The following RIMS1 variants were observed in gnomAD, a reference collection of about 807,000 sequenced individuals.
RIMS1 encodes regulating synaptic membrane exocytosis 1.
In RIMS1, 83 loss-of-function variants were observed where a neutral mutation model predicts 214.1. The observed-to-expected ratio is 0.39, with a 90% CI of 0.32 to 0.47. The LOEUF (loss-of-function observed/expected upper bound fraction) is 0.47, where lower values mean the gene tolerates loss of function less well. RIMS1 is among the 20% of genes least tolerant of loss of function. The pLI is 0.99. For synonymous variants in RIMS1, 793 were observed against 786.8 expected, an observed-to-expected ratio of 1.01 and a Z score of -0.13; for missense variants, 2,050 against 2,161.8, an observed-to-expected ratio of 0.95 and a Z score of 1.03.
intron 29 of RIMS1, among the ~76,000 whole-genome samples, chr6:72,370,152 C>T (rs2098170178): frequency 6.6e-6 from 1 of 152,166 alleles, no homozygotes; most frequent in Non-Finnish European, 1.5e-5. Context: ...GGGAACACAG[C>T]ATTGGTTCCC....
rs141114143 is a variant in RIMS1, at chr6:72,364,525, C to T, written c.4367-26073C>T. 3.7e-3 allele frequency among the ~76,000 whole-genome samples: 567 copies of T among 152,238 alleles called. 3 individuals carry two copies. Among genetic ancestry groups the T allele is most frequent in the African/African-American group, 0.013 (536 of 41,544 alleles). Reference sequence around the variant, plus strand: ...TCAATTGACTAATTCATGAAAAATTCTCTTATCTTTCTCAAATATTGGCTA... The same window carrying T: ...TCAATTGACTAATTCATGAAAAATTTTCTTATCTTTCTCAAATATTGGCTA... On this transcript the variant is annotated intron_variant, in intron 29 of 33. Coordinates refer to ENST00000521978, the MANE Select transcript of RIMS1 (RefSeq NM_014989.7).
At chr6:72,115,015 C>T (rs867960413) in intron 4 of RIMS1, among the ~76,000 whole-genome samples, 4 of 151,884 alleles carry the variant, frequency 2.6e-5, no homozygotes, top group South Asian at 2.1e-4. Flanking sequence ...ACCTACTGAA[C>T]GCTGCATATA....
chr6:71,890,596 A>AAAAAAAC (rs1554194854), intron 1 of RIMS1, among the ~76,000 whole-genome samples: 2,107 of 112,822 alleles, frequency 0.019, 404 homozygotes, highest in South Asian at 0.035. Flanking sequence ...AAAAAAAAAA[A>AAAAAAAC]ACTTCATAGA....
chr6:72,224,140 C>T (rs1225641083), intron 6 of RIMS1, among the ~76,000 whole-genome samples: 3 of 152,058 alleles, frequency 2.0e-5, no homozygotes, highest in African/African-American at 7.2e-5. Flanking sequence ...TGATAAAGGA[C>T]AGTACAATGA....
intron 4 of RIMS1, among the ~76,000 whole-genome samples, chr6:72,118,883 A>G (rs1285623242): frequency 6.6e-6 from 1 of 151,778 alleles, no homozygotes; most frequent in Non-Finnish European, 1.5e-5. Context: ...AGTGGGGAAA[A>G]GTTGAAAGCA....
At chr6:72,372,713 G>A (rs1290132719) in intron 29 of RIMS1, among the ~76,000 whole-genome samples, 4 of 152,200 alleles carry the variant, frequency 2.6e-5, no homozygotes, top group Non-Finnish European at 5.9e-5. Context: ...ACTAAAAGTG[G>A]TTTCTCTGGA....
intron 6 of RIMS1, among the ~76,000 whole-genome samples, chr6:72,206,562 A>G (rs570637477): frequency 8.8e-6 from 1 of 113,524 alleles, no homozygotes; most frequent in Non-Finnish European, 2.3e-5. Context: ...TTGTCAGGGC[A>G]TGCTTTGTTA....
At position 72,242,247 on chromosome 6, in the gene RIMS1, A is replaced by G. The variant is rs2067274666; in HGVS notation, c.1958-67A>G. 6 of 1,265,568 alleles carry G rather than the reference A, an allele frequency of 4.7e-6. No individual in the cohort carries two copies. In the South Asian group the frequency reaches 8.7e-5, roughly 18 times the overall value. 78.4% of individuals were successfully genotyped at this position (1,265,568 alleles called of 1,614,324 possible). ...ATGTTTTGCATTTCTTTGTTAAAAAAGAGAAAAGATACGAAAAATAAACAG... is the reference window on the plus strand; with the variant it reads ...ATGTTTTGCATTTCTTTGTTAAAAAGGAGAAAAGATACGAAAAATAAACAG... On this transcript the variant is annotated intron_variant, in intron 9 of 33. Coordinates refer to ENST00000521978, the MANE Select transcript of RIMS1 (RefSeq NM_014989.7).
chr6:72,365,818 T>C (rs893391505), intron 29 of RIMS1: 1 of 152,252 alleles, frequency 6.6e-6, no homozygotes, highest in Non-Finnish European at 1.5e-5. Flanking sequence ...GCTCTTACGG[T>C]AAAATCCTGT....
chr6:72,089,290 A>C (rs1433813151), intron 2 of RIMS1, among the ~76,000 whole-genome samples: 1 of 152,094 alleles, frequency 6.6e-6, no homozygotes, highest in African/African-American at 2.4e-5. Context: ...ACGACAACAC[A>C]CTGGGCATCA....
At chr6:71,983,774 C>T (rs1250222435) in intron 2 of RIMS1, among the ~76,000 whole-genome samples, 5 of 152,124 alleles carry the variant, frequency 3.3e-5, no homozygotes, top group South Asian at 4.1e-4. Context: ...GGAAATAAAT[C>T]GTGGATAAAT....
At chr6:72,380,597 C>T (rs1220487014) in intron 29 of RIMS1, among the ~76,000 whole-genome samples, 1 of 152,174 alleles carries the variant, frequency 6.6e-6, no homozygotes, top group African/African-American at 2.4e-5. Flanking sequence ...AGTAAATGTG[C>T]TATTTTTACT....
chr6:72,299,512 TCTAGTCAA>T (rs1230297130), intron 26 of RIMS1, among the ~76,000 whole-genome samples: 1 of 151,890 alleles, frequency 6.6e-6, no homozygotes, highest in Non-Finnish European at 1.5e-5. Context: ...TAGGATTGTC[TCTAGTCAA>T]CTATATTTTT....
chr6:71,943,302 A>T lies in RIMS1; in HGVS notation c.165-25681A>T, dbSNP rs147506817. Among the ~76,000 whole-genome samples, 679 of 152,284 alleles carry T rather than the reference A, an allele frequency of 4.5e-3. 5 individuals are homozygous for T. The highest frequency in any genetic ancestry group is 0.016 in the African/African-American group (654 of 41,572). On this transcript the variant is annotated intron_variant, in intron 1 of 33. Transcript: ENST00000521978. ...TATACTGGTGATCAATCAGAACAAGATTCCTTTGGGAACAATTTGTTGATT... is the reference window on the plus strand; with the variant it reads ...TATACTGGTGATCAATCAGAACAAGTTTCCTTTGGGAACAATTTGTTGATT...
chr6:72,335,116 G>T (rs2096794720), intron 29 of RIMS1, among the ~76,000 whole-genome samples: 1 of 151,904 alleles, frequency 6.6e-6, no homozygotes, highest in African/African-American at 2.4e-5. Context: ...GAAAGTGCAG[G>T]TTTGTTACAT....
intron 4 of RIMS1, among the ~76,000 whole-genome samples, chr6:72,167,579 T>A (rs978038533): frequency 3.9e-5 from 6 of 152,174 alleles, no homozygotes; most frequent in Non-Finnish European, 7.4e-5. Flanking sequence ...GGCATTTTCA[T>A]TAAAAATTGG....
chr6:71,886,992 G>C lies in RIMS1; in HGVS notation c.-32G>C, dbSNP rs758309586. 11 of 1,606,868 alleles carry C rather than the reference G, an allele frequency of 6.8e-6. No homozygotes were observed. Among genetic ancestry groups the C allele is most frequent in the Non-Finnish European group, 9.3e-6 (11 of 1,176,488 alleles). ...GTGCATCCGAAAGGTGAGAGCCAGA[G>C]AGCGAGCAGAGGGGGCGGGCAGGCC... On this transcript the variant is annotated 5_prime_UTR_variant, in exon 1 of 34. Coordinates refer to ENST00000521978, the MANE Select transcript of RIMS1 (RefSeq NM_014989.7).
At chr6:72,385,403 T>A (rs1205173747) in intron 29 of RIMS1, among the ~76,000 whole-genome samples, 1 of 152,230 alleles carries the variant, frequency 6.6e-6, no homozygotes, top group Non-Finnish European at 1.5e-5. Context: ...ATGTGCTTTT[T>A]AACAAACTTT....
intron 2 of RIMS1, among the ~76,000 whole-genome samples, chr6:72,048,970 C>T (rs745994061): frequency 7.9e-5 from 12 of 152,102 alleles, no homozygotes; most frequent in Non-Finnish European, 1.8e-4. Context: ...AAAGATTGCA[C>T]AAAGCTGGGA....
Sources: allele counts gnomAD v4.1 joint callset (sites outside exome capture counted in the v4.1 genomes callset), GRCh38; gene constraint gnomAD v4.1.1; transcripts MANE v1.5; gene names NCBI Gene and HGNC (gene_info 2026-07-23, HGNC 2026-07-21).